PCDHA13: variants seen among roughly 807,000 people sequenced by gnomAD.
PCDHA13 encodes protocadherin alpha-13.
A neutral mutation model predicts 64.8 loss-of-function variants in PCDHA13; 54 were observed. The ratio of observed to expected loss-of-function variants is 0.83; its 90% CI spans 0.67 to 1.04. The LOEUF (loss-of-function observed/expected upper bound fraction) is 1.04. Among genes scored for constraint, PCDHA13 ranks in the 50% least tolerant of loss-of-function variants. PCDHA13 has a pLI of 0.00. For synonymous variants in PCDHA13, 587 were observed against 564.4 expected (o/e 1.04, Z -0.57); for missense variants, 1,248 against 1,254.3 (o/e 0.99, Z 0.08).
Position 140,929,060 on chromosome 5 carries a change from A to G in PCDHA13, c.2394+44398A>G, listed in dbSNP as rs782222884. 3 of 1,614,188 alleles carry G rather than the reference A, an allele frequency of 1.9e-6. No individual in the cohort carries two copies. In the South Asian group the frequency reaches 3.3e-5, roughly 18 times the overall value. On this transcript the variant is annotated intron_variant, in intron 1 of 3. Transcript: ENST00000289272. ...GCTCAGAGCTGCTGTCGCTCTACAGAGGATCTGAGGTATGGAAGTAAGATG... is the reference window on the plus strand; with the variant it reads ...GCTCAGAGCTGCTGTCGCTCTACAGGGGATCTGAGGTATGGAAGTAAGATG...
chr5:141,007,517 G>A (rs2098333696), intron 3 of PCDHA13, among the ~76,000 whole-genome samples: 1 of 151,984 alleles, frequency 6.6e-6, no homozygotes, highest in African/African-American at 2.4e-5. Flanking sequence ...GCAGTGAGCT[G>A]ATATCTCGCC....
intron 1 of PCDHA13, chr5:140,929,538 A>C: frequency 3.3e-6 from 2 of 603,382 alleles, no homozygotes; most frequent in Non-Finnish European, 5.1e-6. Context: ...TTGAGAAACA[A>C]GGGCAAAAAT....
At chr5:140,963,443 T>C (rs1554226608) in intron 1 of PCDHA13, among the ~76,000 whole-genome samples, 1 of 152,248 alleles carries the variant, frequency 6.6e-6, no homozygotes, top group African/African-American at 2.4e-5. Flanking sequence ...TCATACTCTG[T>C]TGCTAAAGTA....
Position 141,009,737 on chromosome 5 carries a change from C to T in PCDHA13, c.2653C>T (p.Pro885Ser). The T allele has an allele frequency of 6.2e-7, 1 of 1,614,130 alleles. No homozygotes were observed. The highest frequency in any genetic ancestry group is 8.5e-7 in the Non-Finnish European group (1 of 1,180,024). Residue 885 changes from proline (P) to serine (S), a missense_variant, in exon 4 of 4, where the codon CCC becomes TCC. Physicochemically the swap from Pro to Ser is moderately conservative, Grantham distance 74 (BLOSUM62 -1). Coordinates refer to ENST00000289272, the MANE Select transcript of PCDHA13 (RefSeq NM_018904.3). ...NPKQSGPGEL[P>S]DKFIIPGSPA... Reference sequence around the variant, plus strand: ...CAAACAATCCGGTCCCGGTGAGTTGCCCGACAAATTCATTATCCCAGGATC... The same window carrying T: ...CAAACAATCCGGTCCCGGTGAGTTGTCCGACAAATTCATTATCCCAGGATC...
At chr5:140,991,277 C>G (rs1210642530) in intron 3 of PCDHA13, among the ~76,000 whole-genome samples, 1 of 152,148 alleles carries the variant, frequency 6.6e-6, no homozygotes, top group African/African-American at 2.4e-5. Flanking sequence ...CTGCTGAACT[C>G]TATACACTTA....
intron 1 of PCDHA13, among the ~76,000 whole-genome samples, chr5:140,904,820 A>C (rs2071403823): frequency 6.6e-6 from 1 of 152,014 alleles, no homozygotes; most frequent in African/African-American, 2.4e-5. Flanking sequence ...GATGTTGAGC[A>C]TTTTTTTATA....
rs146932686 is a variant in PCDHA13, at chr5:140,955,010, G to T, written c.2395-23939G>T. 3.9e-3 allele frequency among the ~76,000 whole-genome samples: 599 copies of T among 152,256 alleles called. 6 individuals carry two copies. The highest frequency in any genetic ancestry group is 0.032 in the South Asian group (154 of 4,816). On this transcript the variant is annotated intron_variant, in intron 1 of 3. Transcript: ENST00000289272. ...TGCATATGGCTAGCCAATTCTCCCAGCACCATTTATTAAATAGGGAATCTT... is the reference window on the plus strand; with the variant it reads ...TGCATATGGCTAGCCAATTCTCCCATCACCATTTATTAAATAGGGAATCTT...
At chr5:140,955,989 A>C (rs2095245782) in intron 1 of PCDHA13, among the ~76,000 whole-genome samples, 1 of 152,172 alleles carries the variant, frequency 6.6e-6, no homozygotes, top group Non-Finnish European at 1.5e-5. Flanking sequence ...ATTTTTGCAC[A>C]TTGATTTTGT....
chr5:140,940,450 A>G (rs1279490375), intron 1 of PCDHA13, among the ~76,000 whole-genome samples: 1 of 151,884 alleles, frequency 6.6e-6, no homozygotes, highest in Non-Finnish European at 1.5e-5. Flanking sequence ...GATATTTTTT[A>G]TAGGTTTCTG....
chr5:140,930,037 GC>G (rs2086548182), intron 1 of PCDHA13: 6 of 152,140 alleles, frequency 3.9e-5, no homozygotes, highest in African/African-American at 1.4e-4. Flanking sequence ...TTTTGTAACT[GC>G]TTTGGAGTTT....
intron 2 of PCDHA13, among the ~76,000 whole-genome samples, chr5:140,981,993 G>A (rs533430599): frequency 6.6e-6 from 1 of 152,272 alleles, no homozygotes; most frequent in Admixed American, 6.5e-5. Flanking sequence ...TAGAAAATAA[G>A]GTTAAGAATT....
intron 1 of PCDHA13, chr5:140,928,743 G>C: frequency 6.2e-7 from 1 of 1,614,138 alleles, no homozygotes; most frequent in Non-Finnish European, 8.5e-7. Context: ...ATATAGGTGA[G>C]CTCCGTACTG....
chr5:140,928,126 C>G (rs782461261), intron 1 of PCDHA13: 1 of 1,614,058 alleles, frequency 6.2e-7, no homozygotes, highest in African/African-American at 1.3e-5. Context: ...CAGTGAATAC[C>G]AAGTCCTGAT....
chr5:140,988,558 T>C lies in PCDHA13; in HGVS notation c.2542+5995T>C, dbSNP rs982984587. ...CCATTCATGACTTTCTTCATCTTCT[T>C]CTTGGGAAAACACTCTGTACCTTCC... On this transcript the variant is annotated intron_variant, in intron 3 of 3. Transcript: ENST00000289272. 3.9e-5 allele frequency among the ~76,000 whole-genome samples: 6 copies of C among 152,198 alleles called. 1 individual carries two copies. Among genetic ancestry groups the C allele is most frequent in the Admixed American group, 3.9e-4 (6 of 15,276 alleles).
chr5:140,929,681 A>C, intron 1 of PCDHA13: 1 of 302,408 alleles, frequency 3.3e-6, no homozygotes. Flanking sequence ...AAAAATATGT[A>C]AGAGTCTGCT....
intron 1 of PCDHA13, among the ~76,000 whole-genome samples, chr5:140,937,417 A>T (rs1226073587): frequency 5.3e-5 from 8 of 152,154 alleles, no homozygotes; most frequent in African/African-American, 1.9e-4. Context: ...CTTTTATTAG[A>T]TAGCTGATAT....
At chr5:140,937,769 G>C (rs908179495) in intron 1 of PCDHA13, among the ~76,000 whole-genome samples, 1 of 151,776 alleles carries the variant, frequency 6.6e-6, no homozygotes, top group Non-Finnish European at 1.5e-5. Context: ...AAAATTAGTC[G>C]GGCGTGGTGG....
Position 140,957,818 on chromosome 5 carries a change from A to T in PCDHA13, c.2395-21131A>T, listed in dbSNP as rs568420954. On this transcript the variant is annotated intron_variant, in intron 1 of 3. Transcript: ENST00000289272. ...GTTAAGTAAAAAAAAGTCACAAATT[A>T]AGAGAAAGTGTTAATTGATTTGAGA... Among the ~76,000 whole-genome samples the T allele has an allele frequency of 9.3e-4, 141 of 151,940 alleles. 1 individual carries two copies. Among genetic ancestry groups the T allele is most frequent in the African/African-American group, 2.9e-3 (121 of 41,526 alleles).
chr5:140,916,687 T>G (rs265312), intron 1 of PCDHA13, among the ~76,000 whole-genome samples: 87,944 of 152,010 alleles, frequency 0.58, 26,395 homozygotes, highest in African/African-American at 0.75. Flanking sequence ...TTTACTCTTT[T>G]CTCTCCTCTC....
Sources: gnomAD v4.1 joint callset for allele counts (sites outside exome capture counted in the v4.1 genomes callset) on GRCh38, gnomAD v4.1.1 for gene constraint, MANE v1.5 for transcripts, NCBI Gene and HGNC (gene_info 2026-07-23, HGNC 2026-07-21) for gene names.